The following DHX30 variants were observed in gnomAD, a reference collection of about 807,000 sequenced individuals.
The protein encoded by DHX30 is DExH-box helicase 30.
Under a neutral mutation model 116.9 loss-of-function variants are expected in DHX30, and 4 were observed. The observed-to-expected ratio is 0.03, with a 90% CI of 0.02 to 0.08. DHX30 has a LOEUF of 0.08. Ranked by LOEUF, DHX30 falls within the 10% of genes least tolerant of loss-of-function variation. The pLI, the probability that DHX30 is intolerant of heterozygous loss-of-function variation, is 1.00. For synonymous variants in DHX30, 697 were observed against 651.7 expected (o/e 1.07, Z -1.06); for missense variants, 871 against 1,595.1 (o/e 0.55, Z 7.73).
intron 6 of DHX30, among the ~76,000 whole-genome samples, chr3:47,837,907 A>T (rs985602421): frequency 1.3e-5 from 2 of 152,206 alleles, no homozygotes; most frequent in African/African-American, 2.4e-5. Context: ...CGCCTAGGTT[A>T]TGGCAAGAAC....
chr3:47,827,709 G>A (rs1313842094), intron 5 of DHX30, among the ~76,000 whole-genome samples: 1 of 152,118 alleles, frequency 6.6e-6, no homozygotes, highest in Non-Finnish European at 1.5e-5. Flanking sequence ...TAAGACAGGC[G>A]CCTATACGGA....
At chr3:47,822,730 A>G (rs1263014273) in intron 4 of DHX30, among the ~76,000 whole-genome samples, 1 of 152,144 alleles carries the variant, frequency 6.6e-6, no homozygotes, top group Non-Finnish European at 1.5e-5. Context: ...GGTTGCAGTG[A>G]GCCGAGATCG....
intron 6 of DHX30, among the ~76,000 whole-genome samples, chr3:47,840,243 C>T (rs1022932523): frequency 2.7e-5 from 4 of 150,100 alleles, no homozygotes; most frequent in Admixed American, 6.6e-5. Context: ...ATGATCCGCC[C>T]GTCTCGGCCT....
chr3:47,833,993 C>G (rs1215477423), intron 6 of DHX30, among the ~76,000 whole-genome samples: 1 of 152,138 alleles, frequency 6.6e-6, no homozygotes, highest in African/African-American at 2.4e-5. Flanking sequence ...CATCCTTGGA[C>G]CTACATCTCC....
intron 8 of DHX30, 55 bp downstream of exon 8, chr3:47,841,792 G>C (rs1412295261): frequency 6.2e-7 from 1 of 1,613,248 alleles, no homozygotes; most frequent in East Asian, 2.2e-5. Flanking sequence ...GTCATGTCTG[G>C]TGTTCCCTAA....
chr3:47,827,558 G>C, intron 5 of DHX30, 81 bp downstream of exon 5: 1 of 1,518,234 alleles, frequency 6.6e-7, no homozygotes, highest in Non-Finnish European at 8.9e-7. Context: ...AGGTTTCTTT[G>C]TCAAGGAGGC....
At chr3:47,833,436 G>A (rs1325873440) in intron 6 of DHX30, among the ~76,000 whole-genome samples, 1 of 150,870 alleles carries the variant, frequency 6.6e-6, no homozygotes, top group African/African-American at 2.4e-5. Context: ...GGAGGCTGAG[G>A]TGGGAGGATT....
chr3:47,849,336 C>A lies in DHX30; in HGVS notation c.3074C>A (p.Pro1025His). The A allele has an allele frequency of 6.2e-7, 1 of 1,612,408 alleles. No homozygotes were observed. Among genetic ancestry groups the A allele is most frequent in the South Asian group, 1.1e-5 (1 of 90,982 alleles). The change falls in exon 19 of 22, where the codon CCC becomes CAC. Residue 1025 changes from proline (P) to histidine (H), a missense_variant. Transcript: ENST00000445061. ...GGCGTGCTGATGGCCGGCCTCTACC[C>A]CAACCTCATCCAGGTGCTGCCTCTG... ...VKGVLMAGLY[P>H]NLIQVRQGKV...
At chr3:47,808,412 C>T (rs1428603935) in intron 2 of DHX30, among the ~76,000 whole-genome samples, 1 of 151,634 alleles carries the variant, frequency 6.6e-6, no homozygotes, top group African/African-American at 2.4e-5. Context: ...GAGATGCGGT[C>T]TCACTATGTT....
chr3:47,844,476 G>A (rs918453023), intron 9 of DHX30, among the ~76,000 whole-genome samples: 1 of 152,232 alleles, frequency 6.6e-6, no homozygotes, highest in Admixed American at 6.5e-5. Context: ...AGGCTGGTGG[G>A]TAAAACCCAT....
At position 47,815,363 on chromosome 3, in the gene DHX30, G is replaced by A. The variant is rs1435605957; in HGVS notation, c.29-2659G>A. Reference sequence around the variant, plus strand: ...CTTGCCTCAGCATGCAGTGTGCTGTGAGGTTGCATGATTGAGCACCTGCTG... The same window carrying A: ...CTTGCCTCAGCATGCAGTGTGCTGTAAGGTTGCATGATTGAGCACCTGCTG... On this transcript the variant is annotated intron_variant, in intron 3 of 21. Coordinates refer to ENST00000445061, the MANE Select transcript of DHX30 (RefSeq NM_138615.3). 2.0e-4 allele frequency among the ~76,000 whole-genome samples: 30 copies of A among 152,182 alleles called. 1 individual carries two copies. Among genetic ancestry groups the A allele is most frequent in the Admixed American group, 2.0e-3 (30 of 15,268 alleles).
At chr3:47,849,809 C>T (rs765766157) in intron 21 of DHX30, 40 bp downstream of exon 21, 7 of 1,607,782 alleles carry the variant, frequency 4.4e-6, no homozygotes, top group Non-Finnish European at 2.6e-6. Context: ...CGCTCTGCAG[C>T]TGCTCCTCCG....
intron 6 of DHX30, among the ~76,000 whole-genome samples, chr3:47,837,978 G>T (rs1481593616): frequency 6.6e-6 from 1 of 152,208 alleles, no homozygotes; most frequent in Non-Finnish European, 1.5e-5. Flanking sequence ...AGGACCAGCA[G>T]TGAGCCTGTG....
In DHX30 at chr3:47,840,868, C is replaced by G; in HGVS notation, c.367-9C>G. Reference sequence around the variant, plus strand: ...TATCAATCCTTAAAACGTCCCTTTTCCCCTCCAGGGTTGGGGTCTGCTAGG... The same window carrying G: ...TATCAATCCTTAAAACGTCCCTTTTGCCCTCCAGGGTTGGGGTCTGCTAGG... On this transcript the variant is annotated splice_polypyrimidine_tract_variant and intron_variant, in intron 6 of 21. Transcript: ENST00000445061. 6.2e-7 allele frequency: 1 copy of G among 1,614,100 alleles called. No homozygotes were observed. Among genetic ancestry groups the G allele is most frequent in the Non-Finnish European group, 8.5e-7 (1 of 1,180,020 alleles).
At position 47,847,111 on chromosome 3, in the gene DHX30, C is replaced by A; in HGVS notation, c.1929+110C>A. On this transcript the variant is annotated intron_variant, in intron 11 of 21. Coordinates refer to ENST00000445061, the MANE Select transcript of DHX30 (RefSeq NM_138615.3). This position sits in a 1 kb window ranked among gnomAD's most constrained non-coding sequence, Gnocchi z 5.5. ...GGGGCAAGTTACCCTCCCCAGTCCT[C>A]GGTTTCCTTGATAGAAACTGGGGAC... 1 of 1,494,222 alleles carries A rather than the reference C, an allele frequency of 6.7e-7. No homozygotes were observed. Among genetic ancestry groups the A allele is most frequent in the Non-Finnish European group, 9.2e-7 (1 of 1,092,546 alleles). 92.6% of individuals were successfully genotyped at this position (1,494,222 alleles called of 1,614,324 possible).
At chr3:47,815,939 C>CTT (rs200901757) in intron 3 of DHX30, 52 of 877,138 alleles carry the variant, frequency 5.9e-5, no homozygotes, top group Middle Eastern at 5.8e-4. Flanking sequence ...ATCATTTATT[C>CTT]TTTTTTTTTT....
Position 47,848,727 on chromosome 3 carries a change from C to A in DHX30, c.2679C>A (p.Phe893Leu). 1 of 1,614,192 alleles carries A rather than the reference C, an allele frequency of 6.2e-7. No individual in the cohort carries two copies. Among genetic ancestry groups the A allele is most frequent in the Non-Finnish European group, 8.5e-7 (1 of 1,180,024 alleles). Residue 893 changes from phenylalanine to leucine, a missense_variant, in exon 17 of 22, where the codon TTC becomes TTA. Around this residue, in one of 13 missense-constraint regions of DHX30, gnomAD observed 238 missense variants for 481.0 expected, o/e 0.49. Coordinates refer to ENST00000445061, the MANE Select transcript of DHX30 (RefSeq NM_138615.3). This position sits in a 1 kb window ranked among gnomAD's most constrained non-coding sequence, Gnocchi z 9.4. ...LAKAIVLAAIFRCLHPLLVVV... is the reference protein window; with the variant it reads ...LAKAIVLAAILRCLHPLLVVV... ...AGGCCATTGTGTTGGCTGCCATCTT[C>A]CGTTGCCTGCACCCACTACTGGTGG...
intron 4 of DHX30, among the ~76,000 whole-genome samples, chr3:47,820,050 C>T (rs981878532): frequency 2.4e-4 from 36 of 152,176 alleles, no homozygotes; most frequent in Admixed American, 7.2e-4. Flanking sequence ...TGGTGGCTTA[C>T]GCCTGTAATC....
Position 47,829,142 on chromosome 3 carries a change from T to C in DHX30, c.366+8T>C. The stretch of plus-strand genomic sequence containing the variant: ...GCCTGCCAGCTGTTCAAGGTGACCC[T>C]TCCTCAGTGAAAGCCACTGAGACCT... On this transcript the variant is annotated splice_region_variant and intron_variant, in intron 6 of 21. Transcript: ENST00000445061. 6.7e-7 allele frequency: 1 copy of C among 1,503,144 alleles called. No homozygotes were observed. Among genetic ancestry groups the C allele is most frequent in the South Asian group, 1.2e-5 (1 of 82,238 alleles). 93.1% of individuals were successfully genotyped at this position (1,503,144 alleles called of 1,614,324 possible).
Sources: gnomAD v4.1 joint callset for allele counts (sites outside exome capture counted in the v4.1 genomes callset) on GRCh38, gnomAD v4.1.1 for gene constraint, gnomAD v4.1.1 regional missense constraint, Gnocchi (gnomAD v3.1) non-coding constraint, MANE v1.5 for transcripts, NCBI Gene and HGNC (gene_info 2026-07-23, HGNC 2026-07-21) for gene names.